TMPRSS15: variants seen among roughly 807,000 people sequenced by gnomAD.
The protein encoded by TMPRSS15 is enteropeptidase.
TMPRSS15 carries 128 observed loss-of-function variants against 125.3 expected under a neutral mutation model. That is an observed-to-expected ratio of 1.02 (90% CI 0.89 to 1.18). TMPRSS15 has a LOEUF of 1.18. Ranked by LOEUF, TMPRSS15 falls within the 50% of genes most tolerant of loss-of-function variation. The pLI is 0.00. For synonymous variants in TMPRSS15, 446 were observed against 423.2 expected (o/e 1.05, Z -0.66); for missense variants, 1,283 against 1,212.7 (o/e 1.06, Z -0.86).
At chr21:18,299,932 C>A (rs544472925) in intron 18 of TMPRSS15, among the ~76,000 whole-genome samples, 2 of 152,234 alleles carry the variant, frequency 1.3e-5, no homozygotes, top group Non-Finnish European at 2.9e-5. Context: ...CATGTTATAG[C>A]CAAATATAGC....
At chr21:18,274,590 C>A (rs114288382) in intron 24 of TMPRSS15, among the ~76,000 whole-genome samples, 1,658 of 152,246 alleles carry the variant, frequency 0.011, 30 homozygotes, top group African/African-American at 0.038. Flanking sequence ...GTTCAAGTTA[C>A]TACATTTCTA....
chr21:18,458,558 G>A (rs1261089775), intron 1 of TMPRSS15, among the ~76,000 whole-genome samples: 1 of 152,162 alleles, frequency 6.6e-6, no homozygotes, highest in Admixed American at 6.5e-5. Flanking sequence ...GTCGGACAAA[G>A]TGTTTCCATT....
At chr21:18,419,318 C>CG (rs1335580444) in intron 1 of TMPRSS15, among the ~76,000 whole-genome samples, 1 of 150,446 alleles carries the variant, frequency 6.6e-6, no homozygotes, top group Non-Finnish European at 1.5e-5. Flanking sequence ...CTCGGCCTCC[C>CG]GGGTTCACGC....
At chr21:18,369,899 T>C (rs2075774572) in intron 6 of TMPRSS15, among the ~76,000 whole-genome samples, 1 of 150,366 alleles carries the variant, frequency 6.7e-6, no homozygotes. Flanking sequence ...ATAGATTCAT[T>C]GATTGATTTA....
rs1421499193 is a variant in TMPRSS15 at position 18,353,797 on chromosome 21, A to C, written c.947T>G (p.Leu316Arg). Residue 316 changes from leucine to arginine, a missense_variant, in exon 9 of 25, where the codon CTT (leucine) becomes CGT (arginine). Coordinates refer to ENST00000284885, the MANE Select transcript of TMPRSS15 (RefSeq NM_002772.3). ...IFSNQVTATF[L>R]IESDESDYVG... ...ATAATCACTTTCATCAGATTCTATA[A>C]GAAAGGTGGCAGTAACTTGGTTGGA... is the stretch of plus-strand genomic sequence containing the variant. 1 of 1,611,780 alleles carries C rather than the reference A, an allele frequency of 6.2e-7. No homozygotes were observed. The highest frequency in any genetic ancestry group is 1.3e-5 in the African/African-American group (1 of 74,822).
intron 1 of TMPRSS15, among the ~76,000 whole-genome samples, chr21:18,434,642 T>C (rs917483287): frequency 2.0e-5 from 3 of 152,100 alleles, no homozygotes; most frequent in African/African-American, 7.2e-5. Flanking sequence ...TTGTAAGCTT[T>C]CTAAAATATT....
At chr21:18,441,459 C>G (rs924438973) in intron 1 of TMPRSS15, among the ~76,000 whole-genome samples, 10 of 149,504 alleles carry the variant, frequency 6.7e-5, no homozygotes, top group African/African-American at 2.5e-4. Context: ...ACAGAAAATT[C>G]GCTGGGTGTG....
At chr21:18,321,593 C>T (rs1388684419) in intron 16 of TMPRSS15, among the ~76,000 whole-genome samples, 2 of 152,054 alleles carry the variant, frequency 1.3e-5, no homozygotes, top group South Asian at 4.1e-4. Context: ...CCTCTCGATC[C>T]GCCCGCCTTG....
At chr21:18,450,921 G>A (rs1282585728) in intron 1 of TMPRSS15, among the ~76,000 whole-genome samples, 1 of 152,024 alleles carries the variant, frequency 6.6e-6, no homozygotes. Context: ...CTAGTATTTG[G>A]ACATACATGA....
intron 24 of TMPRSS15, among the ~76,000 whole-genome samples, chr21:18,270,903 AATTT>A (rs2074547066): frequency 6.6e-6 from 1 of 152,130 alleles, no homozygotes; most frequent in Non-Finnish European, 1.5e-5. Context: ...CTTTTTGATT[AATTT>A]GTTTTTTATA....
intron 1 of TMPRSS15, among the ~76,000 whole-genome samples, chr21:18,471,945 A>T (rs1045403892): frequency 6.6e-6 from 1 of 152,110 alleles, no homozygotes; most frequent in Non-Finnish European, 1.5e-5. Context: ...AGAGCAAGAG[A>T]GTGTGGACAT....
intron 19 of TMPRSS15, among the ~76,000 whole-genome samples, chr21:18,295,104 T>G (rs1386627633): frequency 1.3e-5 from 2 of 152,170 alleles, no homozygotes; most frequent in Non-Finnish European, 2.9e-5. Context: ...CTGACAACTA[T>G]TCCGTGCCCA....
chr21:18,343,860 AGCCAACATCTTAGTGAAATATGAGCCT>A, intron 11 of TMPRSS15, 68 bp downstream of exon 11: 1 of 1,295,752 alleles, frequency 7.7e-7, no homozygotes, highest in Non-Finnish European at 1.1e-6. Context: ...TTAAAACTTT[AGCCAACATCTTAGTGAAATATGAGCCT>A]GGTGGCCTGA....
upstream of TMPRSS15, among the ~76,000 whole-genome samples, chr21:18,404,190 G>A (rs1325441070): frequency 6.6e-6 from 1 of 152,126 alleles, no homozygotes; most frequent in African/African-American, 2.4e-5. Context: ...ACATATACAT[G>A]TATTCCTTAT....
chr21:18,440,309 C>T (rs2076238229), intron 1 of TMPRSS15, among the ~76,000 whole-genome samples: 1 of 136,396 alleles, frequency 7.3e-6, no homozygotes, highest in Non-Finnish European at 1.5e-5. Flanking sequence ...GGAGGCGGAG[C>T]TTGCAGTGAG....
intron 1 of TMPRSS15, among the ~76,000 whole-genome samples, chr21:18,459,485 G>T (rs906079352): frequency 6.6e-6 from 1 of 152,022 alleles, no homozygotes; most frequent in Non-Finnish European, 1.5e-5. Flanking sequence ...TGTTGGCCAG[G>T]CTAGTCTCGA....
At chr21:18,323,963 C>T (rs1269315668) in intron 16 of TMPRSS15, among the ~76,000 whole-genome samples, 1 of 152,072 alleles carries the variant, frequency 6.6e-6, no homozygotes, top group Non-Finnish European at 1.5e-5. Flanking sequence ...AAATATAAAG[C>T]TGATCTTATT....
intron 10 of TMPRSS15, among the ~76,000 whole-genome samples, chr21:18,348,082 G>A (rs897817199): frequency 1.3e-5 from 2 of 152,126 alleles, no homozygotes; most frequent in African/African-American, 4.8e-5. Flanking sequence ...CTACTCAGGA[G>A]GCTGAGGTGG....
At chr21:18,296,733 C>A (rs1287574104) in intron 19 of TMPRSS15, among the ~76,000 whole-genome samples, 1 of 152,140 alleles carries the variant, frequency 6.6e-6, no homozygotes. Context: ...ACACGCCTTA[C>A]AGGAAAGGAA....
Sources: allele counts gnomAD v4.1 joint callset (sites outside exome capture counted in the v4.1 genomes callset), GRCh38; gene constraint gnomAD v4.1.1; transcripts MANE v1.5; gene names NCBI Gene and HGNC (gene_info 2026-07-23, HGNC 2026-07-21).